CACNG3: variants seen among roughly 807,000 people sequenced by gnomAD.
The protein encoded by CACNG3 is calcium voltage-gated channel auxiliary subunit gamma 3.
A neutral mutation model predicts 28.5 loss-of-function variants in CACNG3; 3 were observed. The ratio of observed to expected loss-of-function variants is 0.11; its 90% confidence interval spans 0.05 to 0.27. The LOEUF (loss-of-function observed/expected upper bound fraction) is 0.27. Ranked by LOEUF, CACNG3 falls within the 10% of genes least tolerant of loss-of-function variation. The pLI is 1.00. For missense variants in CACNG3, 236 were observed against 414.4 expected, an observed-to-expected ratio of 0.57 and a Z score of 3.74; for synonymous variants, 174 against 162.2, an observed-to-expected ratio of 1.07 and a Z score of -0.55.
chr16:24,351,831 C>CTTTT (rs869158970), intron 2 of CACNG3, among the ~76,000 whole-genome samples: 32 of 85,064 alleles, frequency 3.8e-4, no homozygotes, highest in African/African-American at 1.4e-3. Flanking sequence ...CTCTCTCTCT[C>CTTTT]TTTTTTTTTT....
At chr16:24,312,217 G>A (rs151144865) in intron 1 of CACNG3, among the ~76,000 whole-genome samples, 22 of 152,306 alleles carry the variant, frequency 1.4e-4, no homozygotes, top group African/African-American at 5.1e-4. Context: ...GGATGTCTCC[G>A]CTCTGCTATG....
intron 2 of CACNG3, among the ~76,000 whole-genome samples, chr16:24,352,661 C>G (rs1899968553): frequency 1.3e-5 from 2 of 151,994 alleles, no homozygotes; most frequent in African/African-American, 2.4e-5. Flanking sequence ...ACCTCAGCAC[C>G]CCCAAGCAGC....
At chr16:24,358,855 C>A (rs921183043) in intron 3 of CACNG3, among the ~76,000 whole-genome samples, 1 of 152,190 alleles carries the variant, frequency 6.6e-6, no homozygotes, top group Non-Finnish European at 1.5e-5. Flanking sequence ...CTTACCTTCT[C>A]TGTGTCTGTT....
At chr16:24,271,746 G>A (rs535035844) in intron 1 of CACNG3, among the ~76,000 whole-genome samples, 3 of 152,298 alleles carry the variant, frequency 2.0e-5, no homozygotes, top group Middle Eastern at 3.4e-3. Flanking sequence ...GAAAGACGCT[G>A]ATAGAGTGCA....
At chr16:24,307,439 C>T (rs1446569590) in intron 1 of CACNG3, among the ~76,000 whole-genome samples, 1 of 152,120 alleles carries the variant, frequency 6.6e-6, no homozygotes, top group African/African-American at 2.4e-5. Flanking sequence ...GCCATCTTGA[C>T]TCGAGTCTCC....
intron 1 of CACNG3, among the ~76,000 whole-genome samples, chr16:24,306,433 C>A (rs74013176): frequency 0.027 from 4,071 of 152,272 alleles, 172 homozygotes; most frequent in African/African-American, 0.092. Context: ...AGTTCTGGCA[C>A]TGACCCCAAA....
chr16:24,317,648 A>AAAGAAAGAAAGGAAAAGAAAG (rs1491194402), intron 1 of CACNG3, among the ~76,000 whole-genome samples: 29 of 55,730 alleles, frequency 5.2e-4, no homozygotes, highest in Admixed American at 1.1e-3. Flanking sequence ...GAAAGAAAAG[A>AAAGAAAGAAAGGAAAAGAAAG]AAAGAAAGAA....
intron 1 of CACNG3, among the ~76,000 whole-genome samples, chr16:24,293,099 G>A (rs887878812): frequency 6.6e-6 from 1 of 152,220 alleles, no homozygotes; most frequent in Middle Eastern, 3.2e-3. Context: ...AGCCACTGAG[G>A]ACGTGGGCTC....
At chr16:24,332,830 A>C (rs1432019431) in intron 1 of CACNG3, among the ~76,000 whole-genome samples, 1 of 152,074 alleles carries the variant, frequency 6.6e-6, no homozygotes, top group Non-Finnish European at 1.5e-5. Context: ...ACACTCTGCA[A>C]TTCGCGGTTT....
At chr16:24,342,156 T>C (rs1899799887) in intron 1 of CACNG3, among the ~76,000 whole-genome samples, 1 of 151,990 alleles carries the variant, frequency 6.6e-6, no homozygotes. Context: ...TAATCCCAGC[T>C]ACTCAGGAGG....
At chr16:24,337,502 G>A (rs1899728244) in intron 1 of CACNG3, among the ~76,000 whole-genome samples, 1 of 152,010 alleles carries the variant, frequency 6.6e-6, no homozygotes, top group African/African-American at 2.4e-5. Context: ...TCCAGAGACA[G>A]ATGACAAGGG....
intron 1 of CACNG3, among the ~76,000 whole-genome samples, chr16:24,329,190 T>G (rs1273122725): frequency 6.6e-6 from 1 of 152,194 alleles, no homozygotes; most frequent in East Asian, 1.9e-4. Context: ...TGGTGTTTGC[T>G]CAAAACGCCA....
chr16:24,293,024 CA>C (rs1398425597), intron 1 of CACNG3, among the ~76,000 whole-genome samples: 1 of 152,208 alleles, frequency 6.6e-6, no homozygotes, highest in African/African-American at 2.4e-5. Flanking sequence ...TCCATTCCAT[CA>C]CAGACACCTG....
chr16:24,270,695 T>C (rs1372443320), intron 1 of CACNG3, among the ~76,000 whole-genome samples: 1 of 152,204 alleles, frequency 6.6e-6, no homozygotes, highest in Admixed American at 6.5e-5. Flanking sequence ...TCAGCTGCAG[T>C]GACAGCTCAC....
chr16:24,330,088 G>A (rs868024860), intron 1 of CACNG3, among the ~76,000 whole-genome samples: 2 of 152,280 alleles, frequency 1.3e-5, no homozygotes, highest in South Asian at 4.1e-4. Flanking sequence ...GTCTGGTAAT[G>A]AGACATAAGT....
intron 1 of CACNG3, among the ~76,000 whole-genome samples, chr16:24,339,466 A>G (rs1325260204): frequency 1.3e-5 from 2 of 151,650 alleles, no homozygotes; most frequent in African/African-American, 4.9e-5. Context: ...GCTCACTGCA[A>G]TCTACGCCTC....
chr16:24,345,655 G>A (rs546620911), intron 1 of CACNG3, among the ~76,000 whole-genome samples: 7 of 152,312 alleles, frequency 4.6e-5, no homozygotes, highest in African/African-American at 9.6e-5. Flanking sequence ...AGCCGAGATC[G>A]TGCCATTGCA....
rs1171689371 is a variant in CACNG3 at position 24,361,119 on chromosome 16, G to A, written c.437-233G>A. Among the ~76,000 whole-genome samples the A allele has an allele frequency of 1.3e-5, 2 of 152,166 alleles. No individual in the cohort carries two copies. The highest frequency in any genetic ancestry group is 4.8e-5 in the African/African-American group (2 of 41,430). The stretch of plus-strand genomic sequence containing the variant: ...CTGAGTTCTTCCGTACTTGCTGTAG[G>A]AGTAGGGTGTATTCTTCAGCTGAAT... On this transcript the variant is annotated intron_variant, in intron 3 of 3. Coordinates refer to ENST00000005284, the MANE Select transcript of CACNG3 (RefSeq NM_006539.4). The surrounding 1 kb of genome is among the most constrained non-coding windows in gnomAD (Gnocchi z 6.8).
chr16:24,353,038 A>C (rs777415706), intron 2 of CACNG3, among the ~76,000 whole-genome samples: 12 of 152,154 alleles, frequency 7.9e-5, no homozygotes, highest in South Asian at 4.1e-4. Context: ...GTAATGGCGC[A>C]ATTTTCAACT....
Sources: allele counts gnomAD v4.1 joint callset (sites outside exome capture counted in the v4.1 genomes callset), GRCh38; gene constraint gnomAD v4.1.1; non-coding constraint Gnocchi (gnomAD v3.1); transcripts MANE v1.5; gene names NCBI Gene and HGNC (gene_info 2026-07-23, HGNC 2026-07-21).